MYO3B: variants seen among roughly 807,000 people sequenced by gnomAD.
MYO3B encodes the protein myosin IIIB, also known as myosin-IIIb.
In MYO3B, 156 loss-of-function variants were observed where a neutral mutation model predicts 174.6. The ratio of observed to expected loss-of-function variants is 0.89; its 90% CI spans 0.78 to 1.02. MYO3B has a LOEUF of 1.02. Among genes scored for constraint, MYO3B ranks in the 50% least tolerant of loss-of-function variants. MYO3B has a pLI of 0.00. For synonymous variants in MYO3B, 563 were observed against 569.1 expected (o/e 0.99, Z 0.15); for missense variants, 1,632 against 1,639.4 (o/e 1.00, Z 0.08).
chr2:170,344,076 C>T (rs975486585), intron 8 of MYO3B: 3 of 152,246 alleles, frequency 2.0e-5, no homozygotes, highest in African/African-American at 7.2e-5. Context: ...ATTTCCATTC[C>T]GTGGAACCTC....
intron 22 of MYO3B, among the ~76,000 whole-genome samples, chr2:170,411,367 G>A (rs971760469): frequency 1.3e-5 from 2 of 152,068 alleles, no homozygotes; most frequent in Admixed American, 6.5e-5. Flanking sequence ...ATACATCTAG[G>A]CTATATGTTG....
intron 7 of MYO3B, among the ~76,000 whole-genome samples, chr2:170,237,213 A>G (rs1268246703): frequency 6.6e-6 from 1 of 152,196 alleles, no homozygotes; most frequent in Admixed American, 6.5e-5. Context: ...ATTCAAAAGG[A>G]TATAAGAATG....
intron 1 of MYO3B, among the ~76,000 whole-genome samples, chr2:170,197,082 G>A (rs2092609478): frequency 6.6e-6 from 1 of 151,290 alleles, no homozygotes; most frequent in Non-Finnish European, 1.5e-5. Context: ...TTCTCCTGTG[G>A]CCCCACCCAG....
chr2:170,332,639 C>T (rs1171366823), intron 7 of MYO3B, among the ~76,000 whole-genome samples: 1 of 152,152 alleles, frequency 6.6e-6, no homozygotes, highest in Non-Finnish European at 1.5e-5. Context: ...AGGACATTTA[C>T]AGGATCAAAT....
intron 7 of MYO3B, among the ~76,000 whole-genome samples, chr2:170,265,389 C>T (rs2093375618): frequency 6.6e-6 from 1 of 152,188 alleles, no homozygotes; most frequent in Non-Finnish European, 1.5e-5. Flanking sequence ...GTGATAAAAA[C>T]CTACATTATA....
chr2:170,401,537 T>C lies in MYO3B; in HGVS notation c.1975T>C (p.Cys659Arg), dbSNP rs2094475790. The change falls in exon 18 of 35, where the codon TGT (cysteine) becomes CGT (arginine). Residue 659 changes from cysteine (C) to arginine (R), a missense_variant. Coordinates refer to ENST00000408978, the MANE Select transcript of MYO3B (RefSeq NM_138995.5). ...EELQEALTSHCVVTRGETIIR... is the reference protein window; with the variant it reads ...EELQEALTSHRVVTRGETIIR... ...GCTCCAGGAGGCCCTCACCTCCCAC[T>C]GTGTGGTCACCCGGGGCGAGACCAT... 1.2e-6 allele frequency: 2 copies of C among 1,614,208 alleles called. No individual in the cohort carries two copies. Among genetic ancestry groups the C allele is most frequent in the African/African-American group, 1.3e-5 (1 of 75,058 alleles).
intron 22 of MYO3B, among the ~76,000 whole-genome samples, chr2:170,441,727 C>G (rs1254744107): frequency 6.6e-6 from 1 of 152,164 alleles, no homozygotes; most frequent in African/African-American, 2.4e-5. Context: ...CATTTGTTGT[C>G]ATGGAGATGG....
At chr2:170,472,528 C>A (rs1426277588) in intron 25 of MYO3B, among the ~76,000 whole-genome samples, 1 of 152,118 alleles carries the variant, frequency 6.6e-6, no homozygotes, top group Non-Finnish European at 1.5e-5. Context: ...TTCTGTGATA[C>A]CCTCCTTGAC....
Position 170,373,467 on chromosome 2 carries a change from G to A in MYO3B, c.971+4090G>A, listed in dbSNP as rs1257916041. Among the ~76,000 whole-genome samples the A allele has an allele frequency of 3.9e-5, 6 of 152,148 alleles. No individual in the cohort carries two copies. The East Asian group carries it at 1.2e-3, about 29-fold the overall frequency. On this transcript the variant is annotated intron_variant, in intron 9 of 34. Transcript: ENST00000408978. ...GAGTAATGAAACCTATAATCTACAG[G>A]GAAAACTTTCTTACCATTCCTGCAA...
rs181580271 is a variant in MYO3B at position 170,565,726 on chromosome 2, G to A, written c.3733+21738G>A. ...TTCATTGTGAAAATGAAGTCTCCAA[G>A]TGAGAGTAGAGAAAGAGATTAGTAG... On this transcript the variant is annotated intron_variant, in intron 32 of 34. Coordinates refer to ENST00000408978, the MANE Select transcript of MYO3B (RefSeq NM_138995.5). Among the ~76,000 whole-genome samples, 60 of 152,336 alleles carry A rather than the reference G, an allele frequency of 3.9e-4. 1 individual carries two copies. Among genetic ancestry groups the A allele is most frequent in the Middle Eastern group, 6.8e-3 (2 of 294 alleles).
At chr2:170,514,873 A>G (rs1234797147) in intron 28 of MYO3B, 48 bp from the exon 29 acceptor site, 2 of 1,520,956 alleles carry the variant, frequency 1.3e-6, no homozygotes, top group East Asian at 4.5e-5. Flanking sequence ...TAATTCATCT[A>G]GGTGTGGGAG....
chr2:170,423,726 G>A (rs1011311223), intron 22 of MYO3B, among the ~76,000 whole-genome samples: 12 of 151,882 alleles, frequency 7.9e-5, no homozygotes, highest in African/African-American at 1.2e-4. Context: ...GACTACAGGC[G>A]TGCACCACCA....
At chr2:170,441,573 C>T (rs1038478411) in intron 22 of MYO3B, among the ~76,000 whole-genome samples, 1 of 152,090 alleles carries the variant, frequency 6.6e-6, no homozygotes, top group Non-Finnish European at 1.5e-5. Context: ...TGCTGGTTGC[C>T]CATTTTTATG....
chr2:170,525,303 G>A (rs1188665001), intron 30 of MYO3B, among the ~76,000 whole-genome samples: 1 of 152,324 alleles, frequency 6.6e-6, no homozygotes, highest in Middle Eastern at 3.4e-3. Context: ...CTGTAACTGT[G>A]TACAGTGAAT....
intron 9 of MYO3B, among the ~76,000 whole-genome samples, chr2:170,376,155 G>A (rs1203475796): frequency 3.9e-5 from 6 of 152,230 alleles, no homozygotes; most frequent in South Asian, 4.1e-4. Flanking sequence ...TAAAATTTAT[G>A]CATTGTATTG....
At chr2:170,559,749 A>G (rs923347860) in intron 32 of MYO3B, among the ~76,000 whole-genome samples, 3 of 152,092 alleles carry the variant, frequency 2.0e-5, no homozygotes, top group Non-Finnish European at 2.9e-5. Flanking sequence ...CATGCACTCT[A>G]TCCTAGACTA....
At chr2:170,601,663 T>G (rs1266347408) in intron 32 of MYO3B, 2 of 1,407,800 alleles carry the variant, frequency 1.4e-6, no homozygotes, top group East Asian at 4.6e-5. Context: ...TCATCTTCTG[T>G]CCTCCTCTTC....
chr2:170,445,858 G>A (rs914704845), intron 23 of MYO3B, among the ~76,000 whole-genome samples: 5 of 152,168 alleles, frequency 3.3e-5, no homozygotes, highest in Middle Eastern at 3.4e-3. Flanking sequence ...TGCTGGTCTC[G>A]AACTCCTGGC....
chr2:170,437,637 C>G (rs1243871389), intron 22 of MYO3B, among the ~76,000 whole-genome samples: 1 of 152,164 alleles, frequency 6.6e-6, no homozygotes, highest in Non-Finnish European at 1.5e-5. Flanking sequence ...TATAAAGGCT[C>G]TAGTGTCAAC....
Sources: allele counts gnomAD v4.1 joint callset (sites outside exome capture counted in the v4.1 genomes callset), GRCh38; gene constraint gnomAD v4.1.1; transcripts MANE v1.5; gene names NCBI Gene and HGNC (gene_info 2026-07-23, HGNC 2026-07-21).